Variants in CNTN5 observed in about 807,000 individuals in gnomAD.
CNTN5 encodes the protein contactin 5.
Under a neutral mutation model 129.1 loss-of-function variants are expected in CNTN5, and 77 were observed. The observed-to-expected ratio is 0.60, with a 90% CI of 0.50 to 0.72. The LOEUF is 0.72. CNTN5 is among the 30% of genes least tolerant of loss of function. CNTN5 has a pLI of 0.00. For missense variants in CNTN5, 1,478 were observed against 1,328.8 expected, an observed-to-expected ratio of 1.11 and a Z score of -1.75; for synonymous variants, 509 against 465.6, an observed-to-expected ratio of 1.09 and a Z score of -1.20.
chr11:99,637,753 C>T (rs1015056008), intron 3 of CNTN5, among the ~76,000 whole-genome samples: 2 of 151,606 alleles, frequency 1.3e-5, no homozygotes, highest in African/African-American at 4.8e-5. Flanking sequence ...CTTGCCTTTA[C>T]ATTTCCTATT....
intron 3 of CNTN5, among the ~76,000 whole-genome samples, chr11:99,685,649 TAAGC>T (rs1953758806): frequency 1.3e-5 from 2 of 152,050 alleles, no homozygotes; most frequent in Non-Finnish European, 2.9e-5. Context: ...ATAGCATAGA[TAAGC>T]AAGCTTTCTT....
intron 3 of CNTN5, among the ~76,000 whole-genome samples, chr11:99,650,593 G>A (rs1009381892): frequency 2.6e-5 from 4 of 151,626 alleles, no homozygotes; most frequent in Non-Finnish European, 5.9e-5. Context: ...AACTTCCTGT[G>A]ATAAAAGTTT....
intron 3 of CNTN5, among the ~76,000 whole-genome samples, chr11:99,653,121 A>G (rs1002004951): frequency 5.9e-5 from 9 of 152,030 alleles, no homozygotes; most frequent in African/African-American, 1.9e-4. Context: ...AAATAGGGCA[A>G]TAATGACAGG....
At chr11:100,223,588 A>G (rs955256494) in intron 15 of CNTN5, among the ~76,000 whole-genome samples, 1 of 152,124 alleles carries the variant, frequency 6.6e-6, no homozygotes, top group East Asian at 1.9e-4. Context: ...CTAAGAACAA[A>G]CACATCACTT....
At chr11:99,653,543 G>A (rs1334620818) in intron 3 of CNTN5, among the ~76,000 whole-genome samples, 3 of 151,950 alleles carry the variant, frequency 2.0e-5, no homozygotes, top group Middle Eastern at 3.2e-3. Flanking sequence ...CTAGGAAAAC[G>A]GAAGTCCTCA....
chr11:100,313,756 C>T (rs1255569682), intron 21 of CNTN5, among the ~76,000 whole-genome samples: 2 of 152,004 alleles, frequency 1.3e-5, no homozygotes, highest in Non-Finnish European at 2.9e-5. Context: ...TGTGTCCTGG[C>T]ACACTCAGCA....
At chr11:100,090,076 C>T (rs1229411651) in intron 13 of CNTN5, among the ~76,000 whole-genome samples, 1 of 151,932 alleles carries the variant, frequency 6.6e-6, no homozygotes. Context: ...TGTGATTCAC[C>T]ACAAAAACAG....
At chr11:100,344,344 T>A (rs771716535) in intron 23 of CNTN5, among the ~76,000 whole-genome samples, 2 of 152,202 alleles carry the variant, frequency 1.3e-5, no homozygotes, top group Non-Finnish European at 2.9e-5. Context: ...AGTAGATATT[T>A]TCCCCATATA....
chr11:99,967,130 A>G (rs567000737), intron 8 of CNTN5, among the ~76,000 whole-genome samples: 1 of 152,274 alleles, frequency 6.6e-6, no homozygotes, highest in African/African-American at 2.4e-5. Context: ...ATCAAGTACA[A>G]GTATAGAATA....
intron 3 of CNTN5, among the ~76,000 whole-genome samples, chr11:99,780,818 G>T (rs1378197973): frequency 6.6e-6 from 1 of 152,028 alleles, no homozygotes; most frequent in Non-Finnish European, 1.5e-5. Flanking sequence ...GTCAATAAAT[G>T]AGTTTTAAAA....
chr11:99,630,671 A>G (rs986756565), intron 3 of CNTN5, among the ~76,000 whole-genome samples: 8 of 152,066 alleles, frequency 5.3e-5, no homozygotes, highest in Non-Finnish European at 7.4e-5. Flanking sequence ...GGAGTTCGCA[A>G]TTTACTTCAA....
At chr11:100,335,792 T>C (rs1361785198) in intron 21 of CNTN5, among the ~76,000 whole-genome samples, 1 of 151,968 alleles carries the variant, frequency 6.6e-6, no homozygotes, top group Non-Finnish European at 1.5e-5. Context: ...ATTCTCTTTA[T>C]TTAGGTTTGT....
intron 23 of CNTN5, among the ~76,000 whole-genome samples, chr11:100,345,323 G>C (rs1377284099): frequency 6.6e-6 from 1 of 152,066 alleles, no homozygotes; most frequent in Non-Finnish European, 1.5e-5. Flanking sequence ...CAACAACCAC[G>C]AGAAGCCTCT....
At chr11:99,756,386 T>C (rs1441152364) in intron 3 of CNTN5, among the ~76,000 whole-genome samples, 1 of 152,108 alleles carries the variant, frequency 6.6e-6, no homozygotes, top group East Asian at 1.9e-4. Context: ...ATTATTTGCA[T>C]AGATTAGCAT....
At chr11:99,312,138 T>A (rs1312464069) in intron 1 of CNTN5, among the ~76,000 whole-genome samples, 3 of 152,120 alleles carry the variant, frequency 2.0e-5, no homozygotes, top group Admixed American at 2.0e-4. Context: ...AAAACATGAA[T>A]ATATATTTTG....
chr11:99,237,202 T>G (rs1861316056), intron 1 of CNTN5, among the ~76,000 whole-genome samples: 1 of 152,168 alleles, frequency 6.6e-6, no homozygotes, highest in African/African-American at 2.4e-5. Flanking sequence ...TATTTTCTTT[T>G]GTTCATTCTT....
chr11:100,061,425 A>C (rs763452468), intron 10 of CNTN5, 32 bp downstream of exon 10: 7 of 1,444,858 alleles, frequency 4.8e-6, no homozygotes, highest in Non-Finnish European at 5.6e-6. Context: ...TGATTGCTCT[A>C]GTCCCAAAAG....
At chr11:99,285,472 G>C (rs1863891872) in intron 1 of CNTN5, among the ~76,000 whole-genome samples, 1 of 151,880 alleles carries the variant, frequency 6.6e-6, no homozygotes, top group African/African-American at 2.4e-5. Flanking sequence ...CCCTTGTTTT[G>C]ATGTCTACTA....
At chr11:99,840,825 A>T (rs1036384193) in intron 4 of CNTN5, among the ~76,000 whole-genome samples, 1 of 152,178 alleles carries the variant, frequency 6.6e-6, no homozygotes, top group Non-Finnish European at 1.5e-5. Flanking sequence ...TATAGATTCC[A>T]TCAAGCAAAA....
Sources: gnomAD v4.1 joint callset for allele counts (sites outside exome capture counted in the v4.1 genomes callset) on GRCh38, gnomAD v4.1.1 for gene constraint, MANE v1.5 for transcripts, NCBI Gene and HGNC (gene_info 2026-07-23, HGNC 2026-07-21) for gene names.